TEAD1: variants seen among roughly 807,000 people sequenced by gnomAD.
TEAD1 encodes the protein TEA domain transcription factor 1, also known as transcriptional enhancer factor TEF-1.
A neutral mutation model predicts 54.9 loss-of-function variants in TEAD1; 9 were observed. The observed-to-expected ratio is 0.16, with a 90% CI of 0.10 to 0.29. The LOEUF is 0.29. TEAD1 is among the 10% of genes least tolerant of loss of function. TEAD1 has a pLI of 1.00. For synonymous variants in TEAD1, 200 were observed against 187.8 expected (o/e 1.07, Z -0.53); for missense variants, 387 against 535.9 (o/e 0.72, Z 2.74).
intron 5 of TEAD1, among the ~76,000 whole-genome samples, chr11:12,876,490 G>A (rs943340988): frequency 4.6e-5 from 7 of 152,212 alleles, no homozygotes; most frequent in African/African-American, 1.4e-4. Context: ...GGAACTCTTC[G>A]GGTCTGTGAG....
chr11:12,835,780 G>A (rs533178664), intron 3 of TEAD1, among the ~76,000 whole-genome samples: 1 of 152,294 alleles, frequency 6.6e-6, no homozygotes, highest in Non-Finnish European at 1.5e-5. Flanking sequence ...GATTCTGAAT[G>A]CCTTAATGCT....
chr11:12,792,026 G>T (rs947419460), intron 3 of TEAD1, among the ~76,000 whole-genome samples: 11 of 152,144 alleles, frequency 7.2e-5, no homozygotes, highest in Admixed American at 5.2e-4. Context: ...GGATAGGTGG[G>T]CACTTAGAAG....
intron 10 of TEAD1, among the ~76,000 whole-genome samples, chr11:12,904,208 A>G (rs1948475035): frequency 6.6e-6 from 1 of 152,224 alleles, no homozygotes; most frequent in Non-Finnish European, 1.5e-5. Flanking sequence ...AGTTGAAAAA[A>G]AAAGTCCTTC....
At chr11:12,925,373 A>G (rs933276872) in intron 11 of TEAD1, among the ~76,000 whole-genome samples, 3 of 152,306 alleles carry the variant, frequency 2.0e-5, no homozygotes, top group South Asian at 2.1e-4. Flanking sequence ...GGTGGGAACC[A>G]CCACACACTT....
chr11:12,828,440 C>G (rs1946700629), intron 3 of TEAD1: 1 of 152,108 alleles, frequency 6.6e-6, no homozygotes, highest in Middle Eastern at 3.2e-3. Context: ...GTTCTAGAAC[C>G]AAGTTAGAAG....
chr11:12,815,074 A>C lies in TEAD1; in HGVS notation c.203-47176A>C, dbSNP rs573765864. Reference sequence around the variant, plus strand: ...AGTTGAAAAGGGAAAGACGCAGGCAAGCTGGCCAACATCAAAGCCGGGCTT... The same window carrying C: ...AGTTGAAAAGGGAAAGACGCAGGCACGCTGGCCAACATCAAAGCCGGGCTT... On this transcript the variant is annotated intron_variant, in intron 3 of 12. Transcript: ENST00000527636. 5.3e-5 allele frequency among the ~76,000 whole-genome samples: 8 copies of C among 152,300 alleles called. No homozygotes were observed. In the East Asian group the frequency reaches 9.7e-4, roughly 18 times the overall value.
Position 12,777,596 on chromosome 11 carries a change from A to G in TEAD1, c.202+13162A>G, listed in dbSNP as rs553535487. ...CTATAAAGTAGCCACAGCCTTAAAC[A>G]TATTTGATTGTCAGTAAAATATTGG... is the stretch of plus-strand genomic sequence containing the variant. On this transcript the variant is annotated intron_variant, in intron 3 of 12. Coordinates refer to ENST00000527636, the MANE Select transcript of TEAD1 (RefSeq NM_021961.6). 1.6e-3 allele frequency among the ~76,000 whole-genome samples: 241 copies of G among 152,340 alleles called. 10 individuals carry two copies. The South Asian group carries it at 0.046, about 29-fold the overall frequency.
chr11:12,687,087 A>G (rs1331303362), intron 2 of TEAD1, among the ~76,000 whole-genome samples: 1 of 152,112 alleles, frequency 6.6e-6, no homozygotes, highest in Non-Finnish European at 1.5e-5. Context: ...CTGGTTGGGA[A>G]TCCTCTGCTA....
At chr11:12,801,468 G>A (rs1946058738) in intron 3 of TEAD1, among the ~76,000 whole-genome samples, 1 of 152,202 alleles carries the variant, frequency 6.6e-6, no homozygotes, top group African/African-American at 2.4e-5. Context: ...GTGGTCTGTT[G>A]AGTACTTACT....
intron 2 of TEAD1, among the ~76,000 whole-genome samples, chr11:12,711,845 T>C (rs1943945710): frequency 6.6e-6 from 1 of 152,196 alleles, no homozygotes. Context: ...GAGGTTCTGC[T>C]CCTCTTACAA....
Position 12,881,961 on chromosome 11 carries a change from A to C in TEAD1, c.574+4A>C. 1 of 1,614,106 alleles carries C rather than the reference A, an allele frequency of 6.2e-7. No homozygotes were observed. The highest frequency in any genetic ancestry group is 8.5e-7 in the Non-Finnish European group (1 of 1,180,010). On this transcript the variant is annotated splice_donor_region_variant and intron_variant, in intron 8 of 12. Transcript: ENST00000527636. ...GCGGTCACAGCCCCCATTCCAGGTG[A>C]GTGTCCCTGAAACTCCTTTTTGGGA...
intron 5 of TEAD1, among the ~76,000 whole-genome samples, chr11:12,877,467 A>G (rs1947874880): frequency 6.6e-6 from 1 of 152,224 alleles, no homozygotes. Flanking sequence ...AGCCTGGCCA[A>G]CATGGTGAAA....
chr11:12,706,151 A>G (rs1943809759), intron 2 of TEAD1, among the ~76,000 whole-genome samples: 1 of 152,264 alleles, frequency 6.6e-6, no homozygotes, highest in East Asian at 1.9e-4. Context: ...AGAGCCTGGC[A>G]CCAAGTATCT....
chr11:12,747,859 G>A (rs188503059), intron 2 of TEAD1, among the ~76,000 whole-genome samples: 1 of 152,244 alleles, frequency 6.6e-6, no homozygotes. Flanking sequence ...AGTAAGTGGA[G>A]GAATCAAAAT....
chr11:12,823,251 A>G (rs1275808966), intron 3 of TEAD1, among the ~76,000 whole-genome samples: 1 of 152,194 alleles, frequency 6.6e-6, no homozygotes, highest in Non-Finnish European at 1.5e-5. Context: ...TAAATGGCAA[A>G]CCAAAGTGGC....
chr11:12,918,348 T>C (rs1948751015), intron 10 of TEAD1, among the ~76,000 whole-genome samples: 1 of 150,432 alleles, frequency 6.6e-6, no homozygotes, highest in South Asian at 2.1e-4. Flanking sequence ...GATAATTATA[T>C]ATATATCTTG....
intron 2 of TEAD1, among the ~76,000 whole-genome samples, chr11:12,739,718 T>C (rs571616167): frequency 2.0e-5 from 3 of 152,346 alleles, no homozygotes; most frequent in East Asian, 3.9e-4. Flanking sequence ...CTATTCCCTT[T>C]ACTGATAAGT....
chr11:12,785,124 CG>C (rs1457670581), intron 3 of TEAD1, among the ~76,000 whole-genome samples: 2 of 152,202 alleles, frequency 1.3e-5, no homozygotes, highest in Non-Finnish European at 2.9e-5. Context: ...AGCCAGGGCC[CG>C]GGCTCCTGGT....
At chr11:12,702,375 A>G (rs940751800) in intron 2 of TEAD1, among the ~76,000 whole-genome samples, 5 of 152,176 alleles carry the variant, frequency 3.3e-5, no homozygotes, top group African/African-American at 1.2e-4. Flanking sequence ...GTCCCTCGAC[A>G]CCACTCCCTC....
Sources: gnomAD v4.1 joint callset for allele counts (sites outside exome capture counted in the v4.1 genomes callset) on GRCh38, gnomAD v4.1.1 for gene constraint, MANE v1.5 for transcripts, NCBI Gene and HGNC (gene_info 2026-07-23, HGNC 2026-07-21) for gene names.